Variants in CAPN9 observed in about 807,000 individuals in gnomAD.
CAPN9 encodes calpain-9.
A neutral mutation model predicts 92.8 loss-of-function variants in CAPN9; 81 were observed. That is an observed-to-expected ratio of 0.87 (90% CI 0.73 to 1.05). CAPN9 has a LOEUF of 1.05. Ranked by LOEUF, CAPN9 falls within the 50% of genes least tolerant of loss-of-function variation. CAPN9 has a pLI of 0.00. For missense variants in CAPN9, 848 were observed against 866.2 expected (o/e 0.98, Z 0.26); for synonymous variants, 304 against 328.0 (o/e 0.93, Z 0.79).
chr1:230,759,479 TG>T (rs1273811284), intron 2 of CAPN9, 32 bp from the exon 3 acceptor site: 2 of 1,484,778 alleles, frequency 1.3e-6, no homozygotes, highest in Admixed American at 3.7e-5. Context: ...GAAATAGCAA[TG>T]AAAATTGTGA....
At position 230,755,422 on chromosome 1, in the gene CAPN9, T is replaced by TG. The variant is rs747221028; in HGVS notation, c.283+18dup. The TG allele has an allele frequency of 6.3e-7, 1 of 1,593,060 alleles. No individual in the cohort carries two copies. Among genetic ancestry groups the TG allele is most frequent in the Non-Finnish European group, 8.6e-7 (1 of 1,168,974 alleles). On this transcript the variant is annotated intron_variant, in intron 2 of 19. Transcript: ENST00000271971. The stretch of plus-strand genomic sequence containing the variant: ...GGAGAGCTGGGTGAGTGTAAGTGGA[T>TG]GGAGCATGGCGAGAGGGAGGTTGAG...
chr1:230,780,309 G>C lies in CAPN9; in HGVS notation c.1245G>C (p.Val415=). Residue 415 remains valine (V), a synonymous_variant, in exon 10 of 20, where the codon GTG becomes GTC. Transcript: ENST00000271971. ...AACTCAAGAGATTTGGTGCCAATGTGCTGACAATCGGCTATGCCATTTATG... is the reference window on the plus strand; with the variant it reads ...AACTCAAGAGATTTGGTGCCAATGTCCTGACAATCGGCTATGCCATTTATG... ...RRKLKRFGAN[V]LTIGYAIYEC... is the part of the protein sequence containing the mutation. 6.8e-6 allele frequency: 11 copies of C among 1,614,134 alleles called. No individual in the cohort carries two copies. The highest frequency in any genetic ancestry group is 9.3e-6 in the Non-Finnish European group (11 of 1,180,004).
intron 12 of CAPN9, chr1:230,786,298 A>G (rs1667577644): frequency 3.3e-6 from 1 of 301,818 alleles, no homozygotes; most frequent in Non-Finnish European, 4.9e-6. Flanking sequence ...AATAACAAAC[A>G]CAGAGACACT....
At chr1:230,785,650 A>T (rs1467026740) in intron 11 of CAPN9, among the ~76,000 whole-genome samples, 2 of 152,210 alleles carry the variant, frequency 1.3e-5, no homozygotes, top group Non-Finnish European at 2.9e-5. Context: ...AACGGATGCC[A>T]GCACTGTGCT....
chr1:230,753,586 A>G (rs925282025), intron 1 of CAPN9, among the ~76,000 whole-genome samples: 11 of 152,172 alleles, frequency 7.2e-5, no homozygotes, highest in African/African-American at 2.4e-4. Context: ...GACAATTCAA[A>G]GCAGAGGTCT....
At chr1:230,772,744 CT>C (rs10602900) in intron 7 of CAPN9, among the ~76,000 whole-genome samples, 121,055 of 138,958 alleles carry the variant, frequency 0.87, 52,896 homozygotes, top group East Asian at 0.97. Flanking sequence ...GACCCCATCT[CT>C]TTTTTTTTTT....
At position 230,800,305 on chromosome 1, in the gene CAPN9, A is replaced by C. The variant is rs938278654; in HGVS notation, c.2047-1265A>C. ...AAGAAAGAAAGAAAGAAAGAAAGAA[A>C]GGAAAAACAAGAGAGACCCCTAGGT... is the stretch of plus-strand genomic sequence containing the variant. On this transcript the variant is annotated intron_variant, in intron 19 of 19. Transcript: ENST00000271971. 1.6e-3 allele frequency among the ~76,000 whole-genome samples: 84 copies of C among 51,770 alleles called. 1 individual carries two copies. Among genetic ancestry groups the C allele is most frequent in the Non-Finnish European group, 2.1e-3 (48 of 22,856 alleles). The allele number at this position is 51,770 out of a possible 152,430, so 34.0% of individuals were successfully genotyped here.
At chr1:230,797,892 G>A (rs1572101235) in intron 18 of CAPN9, among the ~76,000 whole-genome samples, 1 of 152,312 alleles carries the variant, frequency 6.6e-6, no homozygotes, top group East Asian at 1.9e-4. Flanking sequence ...TAGGGGCGTT[G>A]CTTTGGCTCC....
intron 5 of CAPN9, 79 bp downstream of exon 5, chr1:230,767,788 A>G (rs1666088614): frequency 7.4e-7 from 1 of 1,354,804 alleles, no homozygotes; most frequent in Non-Finnish European, 1.0e-6. Context: ...CTGGGGCTGT[A>G]CCAGGTACCC....
rs200031847 is a variant in CAPN9 at position 230,751,593 on chromosome 1, G to GA, written c.214-3741dup. On this transcript the variant is annotated intron_variant, in intron 1 of 19. Coordinates refer to ENST00000271971, the MANE Select transcript of CAPN9 (RefSeq NM_006615.3). ...AAGAAAGAAGAAAGAAACAAAGAAA[G>GA]AAAGAAAGAAAGAAAGAGAAAGAAA... Among the ~76,000 whole-genome samples, 83 of 16,046 alleles carry GA rather than the reference G, an allele frequency of 5.2e-3. 1 individual carries two copies. In the East Asian group the frequency reaches 0.07, roughly 14 times the overall value. 10.5% of individuals were successfully genotyped at this position (16,046 alleles called of 152,430 possible).
At chr1:230,766,380 A>G (rs1437941100) in intron 4 of CAPN9, among the ~76,000 whole-genome samples, 3 of 152,246 alleles carry the variant, frequency 2.0e-5, no homozygotes, top group Non-Finnish European at 4.4e-5. Flanking sequence ...ACAATGTGCG[A>G]TGATCAAATC....
chr1:230,747,640 C>T lies in CAPN9; in HGVS notation c.144C>T (p.Phe48=), dbSNP rs760169447. 1.2e-6 allele frequency: 2 copies of T among 1,614,190 alleles called. No homozygotes were observed. The highest frequency in any genetic ancestry group is 1.7e-5 in the Admixed American group (1 of 60,032). Residue 48 remains phenylalanine, a synonymous_variant, in exon 1 of 20, where the codon TTC becomes TTT. Coordinates refer to ENST00000271971, the MANE Select transcript of CAPN9 (RefSeq NM_006615.3). ...GCACCCTGTTTGAGGATGCAGACTT[C>T]CCAGCCAGCAATTCCTCCCTGTTCT... ...QRGTLFEDAD[F]PASNSSLFYS...
At chr1:230,780,789 C>A in intron 11 of CAPN9, 81 bp downstream of exon 11, 4 of 1,079,068 alleles carry the variant, frequency 3.7e-6, no homozygotes, top group Non-Finnish European at 4.3e-6. Context: ...ACTGCTGGAG[C>A]CAAGACTCCA....
At chr1:230,795,944 C>A (rs914581175) in intron 18 of CAPN9, among the ~76,000 whole-genome samples, 1 of 151,542 alleles carries the variant, frequency 6.6e-6, no homozygotes, top group Non-Finnish European at 1.5e-5. Context: ...AACTTAGGAG[C>A]AGGGGGCCCC....
chr1:230,753,687 G>C (rs1376471303), intron 1 of CAPN9, among the ~76,000 whole-genome samples: 1 of 152,152 alleles, frequency 6.6e-6, no homozygotes, highest in East Asian at 1.9e-4. Flanking sequence ...CCCCTCCTCA[G>C]TCCTGGTGCC....
chr1:230,779,237 G>C lies in CAPN9; in HGVS notation c.1114+104G>C, dbSNP rs183093849. On this transcript the variant is annotated intron_variant, in intron 9 of 19. Coordinates refer to ENST00000271971, the MANE Select transcript of CAPN9 (RefSeq NM_006615.3). ...GTCCTCAGAGAAAGCCTGAAACATA[G>C]TAAGGTTTCAAAAGTGACTGGGGAA... 1.7e-3 allele frequency: 1,820 copies of C among 1,095,088 alleles called. 4 individuals are homozygous for C. The highest frequency in any genetic ancestry group is 2.0e-3 in the Non-Finnish European group (1,551 of 763,848). 67.8% of individuals were successfully genotyped at this position (1,095,088 alleles called of 1,614,324 possible). A position where few individuals can be genotyped will look rare whatever the true frequency, so the allele number is the denominator to read the frequency against.
intron 2 of CAPN9, among the ~76,000 whole-genome samples, chr1:230,757,547 A>C (rs1452241634): frequency 6.6e-6 from 1 of 152,164 alleles, no homozygotes; most frequent in Non-Finnish European, 1.5e-5. Context: ...AAAGAATAAC[A>C]AGAAAATGAA....
rs1242005720 is a variant in CAPN9 at position 230,772,044 on chromosome 1, A to T, written c.820A>T (p.Ile274Phe). The T allele has an allele frequency of 3.1e-6, 5 of 1,613,844 alleles. No individual in the cohort carries two copies. Among genetic ancestry groups the T allele is most frequent in the Non-Finnish European group, 4.2e-6 (5 of 1,179,676 alleles). Reference protein sequence around the residue: ...VSFRGQRIELIRIRNPWGQVE... With the variant: ...VSFRGQRIELFRIRNPWGQVE... ...CTTCCGAGGCCAGAGAATCGAGCTC[A>T]TCCGAATCCGGAACCCTTGGGGCCA... is the stretch of plus-strand genomic sequence containing the variant. The change falls in exon 7 of 20, where the codon ATC becomes TTC. Residue 274 changes from isoleucine to phenylalanine, a missense_variant. Ile to Phe is a conservative substitution (Grantham distance 21, BLOSUM62 0). Transcript: ENST00000271971.
At chr1:230,798,446 A>C (rs2102943981) in intron 19 of CAPN9, among the ~76,000 whole-genome samples, 1 of 152,344 alleles carries the variant, frequency 6.6e-6, no homozygotes, top group South Asian at 2.1e-4. Context: ...CCCATTTTGC[A>C]GGGTGGAAAC....
Sources: allele counts gnomAD v4.1 joint callset (sites outside exome capture counted in the v4.1 genomes callset), GRCh38; gene constraint gnomAD v4.1.1; transcripts MANE v1.5; gene names NCBI Gene and HGNC (gene_info 2026-07-23, HGNC 2026-07-21).